Variants in ELMOD1 observed in about 807,000 individuals in gnomAD.
The protein encoded by ELMOD1 is ELMO domain-containing protein 1.
A neutral mutation model predicts 46.7 loss-of-function variants in ELMOD1; 21 were observed. The ratio of observed to expected loss-of-function variants is 0.45; its 90% CI spans 0.32 to 0.65. ELMOD1 has a LOEUF of 0.65. Ranked by LOEUF, ELMOD1 falls within the 30% of genes least tolerant of loss-of-function variation. ELMOD1 has a pLI of 0.04. For synonymous variants in ELMOD1, 122 were observed against 138.2 expected, an observed-to-expected ratio of 0.88 and a Z score of 0.82; for missense variants, 348 against 407.8, an observed-to-expected ratio of 0.85 and a Z score of 1.26.
In ELMOD1 at chr11:107,606,691, C is replaced by T. The variant is rs188921414; in HGVS notation, c.-85-11414C>T. On this transcript the variant is annotated intron_variant, in intron 1 of 11. Coordinates refer to ENST00000265840, the MANE Select transcript of ELMOD1 (RefSeq NM_018712.4). ...CTCTACTAAAAATACAAAAATTAGC[C>T]GGGTGTGGTGGCGTGCGCCTGTAAT... is the stretch of plus-strand genomic sequence containing the variant. 1.4e-4 allele frequency among the ~76,000 whole-genome samples: 22 copies of T among 152,068 alleles called. No individual in the cohort carries two copies. The East Asian group carries it at 3.1e-3, about 21-fold the overall frequency.
At chr11:107,657,223 A>G (rs920108031) in intron 11 of ELMOD1, among the ~76,000 whole-genome samples, 1 of 152,222 alleles carries the variant, frequency 6.6e-6, no homozygotes, top group Non-Finnish European at 1.5e-5. Context: ...GCAACGTTGT[A>G]TTCTAAAAAA....
chr11:107,658,061 T>C (rs1378511430), intron 11 of ELMOD1, among the ~76,000 whole-genome samples: 5 of 152,006 alleles, frequency 3.3e-5, no homozygotes, highest in Non-Finnish European at 7.4e-5. Context: ...GTGGCTGGGG[T>C]GAGTGAGCGG....
chr11:107,592,540 A>G, intron 1 of ELMOD1: 3 of 444,868 alleles, frequency 6.7e-6, no homozygotes, highest in Non-Finnish European at 1.4e-5. Flanking sequence ...TTAATTCATT[A>G]ACCTATTATG....
chr11:107,656,997 A>G (rs1866645933), intron 11 of ELMOD1, among the ~76,000 whole-genome samples: 1 of 152,212 alleles, frequency 6.6e-6, no homozygotes, highest in South Asian at 2.1e-4. Flanking sequence ...AAAACTAAGG[A>G]AGGGGAATCA....
At chr11:107,627,910 G>A (rs982609483) in intron 2 of ELMOD1, among the ~76,000 whole-genome samples, 7 of 152,088 alleles carry the variant, frequency 4.6e-5, no homozygotes, top group South Asian at 2.1e-4. Flanking sequence ...GTGCAAGCCC[G>A]CAGATGGGGT....
intron 11 of ELMOD1, among the ~76,000 whole-genome samples, chr11:107,662,918 G>A (rs1030621377): frequency 5.3e-5 from 8 of 151,852 alleles, no homozygotes; most frequent in Admixed American, 1.3e-4. Flanking sequence ...TTGTAGAAAC[G>A]GGGTCTTCCT....
chr11:107,630,100 A>G (rs1866110020), intron 2 of ELMOD1, among the ~76,000 whole-genome samples: 1 of 152,186 alleles, frequency 6.6e-6, no homozygotes, highest in Non-Finnish European at 1.5e-5. Context: ...GCAGTATTAA[A>G]GGATTCTGTT....
chr11:107,602,362 T>C (rs1865614903), intron 1 of ELMOD1, among the ~76,000 whole-genome samples: 1 of 152,300 alleles, frequency 6.6e-6, no homozygotes, highest in Non-Finnish European at 1.5e-5. Context: ...CGGAGACTCA[T>C]GTTCTTCAGC....
chr11:107,645,089 ATTTT>A (rs11390120), intron 6 of ELMOD1, among the ~76,000 whole-genome samples: 42 of 103,192 alleles, frequency 4.1e-4, no homozygotes, highest in South Asian at 3.2e-3. Flanking sequence ...TGCCTGGCTA[ATTTT>A]TTTTTTTTTT....
intron 1 of ELMOD1, among the ~76,000 whole-genome samples, chr11:107,606,831 C>T (rs1204434683): frequency 6.6e-6 from 1 of 151,958 alleles, no homozygotes; most frequent in African/African-American, 2.4e-5. Flanking sequence ...AAAAAAAAAC[C>T]TACATCGGTT....
intron 1 of ELMOD1, among the ~76,000 whole-genome samples, chr11:107,604,464 C>G (rs1005589848): frequency 6.6e-6 from 1 of 152,152 alleles, no homozygotes; most frequent in Non-Finnish European, 1.5e-5. Flanking sequence ...CCGATAAATT[C>G]TTATGCAGAA....
chr11:107,623,466 A>C (rs1170836436), intron 2 of ELMOD1: 1 of 152,192 alleles, frequency 6.6e-6, no homozygotes, highest in African/African-American at 2.4e-5. Context: ...TGAGCAATAT[A>C]CCCGAAAGCC....
chr11:107,619,731 G>T (rs916806135), intron 2 of ELMOD1, among the ~76,000 whole-genome samples: 3 of 152,160 alleles, frequency 2.0e-5, no homozygotes, highest in African/African-American at 4.8e-5. Context: ...AAATTAATTT[G>T]TATATGATGA....
chr11:107,648,706 A>G (rs1296556197), intron 7 of ELMOD1, among the ~76,000 whole-genome samples: 1 of 150,956 alleles, frequency 6.6e-6, no homozygotes. Context: ...CAATTTTTGT[A>G]TTTGCTTGCC....
chr11:107,645,990 A>T (rs1187911135), intron 6 of ELMOD1, among the ~76,000 whole-genome samples: 1 of 152,200 alleles, frequency 6.6e-6, no homozygotes, highest in Admixed American at 6.5e-5. Flanking sequence ...AAGCTTTGTA[A>T]TGTAGAATAA....
At chr11:107,597,864 C>T (rs1591096479) in intron 1 of ELMOD1, among the ~76,000 whole-genome samples, 1 of 152,058 alleles carries the variant, frequency 6.6e-6, no homozygotes, top group South Asian at 2.1e-4. Context: ...AATTCTAGTT[C>T]AAAATGATGA....
chr11:107,654,810 T>C (rs1591136966), intron 10 of ELMOD1, among the ~76,000 whole-genome samples: 2 of 152,056 alleles, frequency 1.3e-5, no homozygotes, highest in South Asian at 4.1e-4. Flanking sequence ...GTAGTTTTCT[T>C]TTAAGGATTT....
intron 3 of ELMOD1, 61 bp from the exon 4 acceptor site, chr11:107,630,639 A>C (rs1011334254): frequency 1.2e-6 from 2 of 1,601,504 alleles, no homozygotes; most frequent in South Asian, 2.3e-5. Flanking sequence ...TCAGTGTAGT[A>C]ATTCTAAACC....
At chr11:107,658,345 C>T (rs1332885611) in intron 11 of ELMOD1, among the ~76,000 whole-genome samples, 6 of 152,114 alleles carry the variant, frequency 3.9e-5, no homozygotes, top group Non-Finnish European at 8.8e-5. Context: ...ATTATAAACA[C>T]ATATACTTTA....
Sources: gnomAD v4.1 joint callset for allele counts (sites outside exome capture counted in the v4.1 genomes callset) on GRCh38, gnomAD v4.1.1 for gene constraint, MANE v1.5 for transcripts, NCBI Gene and HGNC (gene_info 2026-07-23, HGNC 2026-07-21) for gene names.